Variants in SYT14 observed in about 807,000 individuals in gnomAD.
SYT14 encodes the protein synaptotagmin-14.
SYT14 carries 32 observed loss-of-function variants against 74.2 expected under a neutral mutation model. The observed-to-expected ratio is 0.43, with a 90% CI of 0.33 to 0.58. The LOEUF is 0.58. Ranked by LOEUF, SYT14 falls within the 20% of genes least tolerant of loss-of-function variation. The pLI is 0.05. For missense variants in SYT14, 791 were observed against 981.8 expected (o/e 0.81, Z 2.60); for synonymous variants, 298 against 337.7 (o/e 0.88, Z 1.29).
intron 7 of SYT14, among the ~76,000 whole-genome samples, chr1:210,153,657 T>C (rs1184310440): frequency 6.6e-6 from 1 of 152,214 alleles, no homozygotes; most frequent in African/African-American, 2.4e-5. Context: ...TGTTCCTGTG[T>C]ACATAATTAT....
chr1:210,088,735 G>A (rs1425770556), intron 5 of SYT14, among the ~76,000 whole-genome samples: 2 of 151,848 alleles, frequency 1.3e-5, no homozygotes, highest in East Asian at 3.9e-4. Flanking sequence ...TTAACTTCTT[G>A]AAGTGGATTC....
rs532992876 is a variant in SYT14, at chr1:210,162,149, T to C, written c.*1107T>C. 4 of 439,444 alleles carry C rather than the reference T, an allele frequency of 9.1e-6. No homozygotes were observed. The East Asian group carries it at 2.1e-4, about 23-fold the overall frequency. The allele number at this position is 439,444 out of a possible 1,614,324, so 27.2% of individuals were successfully genotyped here. Reference sequence around the variant, plus strand: ...TGGAACATCATGTTAAAAACAGTTATGAGATTCCTTATGAAGTTTCTAGTA... The same window carrying C: ...TGGAACATCATGTTAAAAACAGTTACGAGATTCCTTATGAAGTTTCTAGTA... On this transcript the variant is annotated 3_prime_UTR_variant, in exon 10 of 10. Coordinates refer to ENST00000637265, the Ensembl canonical transcript of SYT14.
chr1:210,145,811 T>G (rs1331905957), intron 7 of SYT14, among the ~76,000 whole-genome samples: 3 of 152,170 alleles, frequency 2.0e-5, no homozygotes, highest in Non-Finnish European at 2.9e-5. Context: ...GAAATACTAT[T>G]AGGACCAACT....
At chr1:210,111,770 A>C (rs2102582191) in intron 7 of SYT14, among the ~76,000 whole-genome samples, 1 of 151,454 alleles carries the variant, frequency 6.6e-6, no homozygotes, top group East Asian at 1.9e-4. Context: ...ACAGATATTA[A>C]AGGACTAAGA....
intron 5 of SYT14, among the ~76,000 whole-genome samples, chr1:210,071,334 T>C (rs1044334587): frequency 4.0e-5 from 5 of 124,654 alleles, no homozygotes; most frequent in Admixed American, 3.9e-4. Context: ...AAGTCACAAG[T>C]CCTTATAGAA....
intron 7 of SYT14, among the ~76,000 whole-genome samples, chr1:210,125,788 A>G (rs1326885158): frequency 2.6e-5 from 4 of 152,256 alleles, no homozygotes; most frequent in African/African-American, 7.2e-5. Context: ...TTTTAAAATT[A>G]TATCTAGGCA....
rs574364834 is a variant in SYT14, at chr1:210,105,951, A to G, written c.2034+5490A>G. On this transcript the variant is annotated intron_variant, in intron 7 of 9. Transcript: ENST00000637265. The stretch of plus-strand genomic sequence containing the variant: ...CCAGTGGCCTCCCCAGAAGCTGAGC[A>G]GATTGCTGCACCATGCTTGTACAGC... Among the ~76,000 whole-genome samples, 3 of 152,350 alleles carry G rather than the reference A, an allele frequency of 2.0e-5. No homozygotes were observed. The South Asian group carries it at 6.2e-4, about 32-fold the overall frequency.
chr1:209,956,125 T>C (rs1183599825), intron 2 of SYT14, among the ~76,000 whole-genome samples: 1 of 152,168 alleles, frequency 6.6e-6, no homozygotes, highest in African/African-American at 2.4e-5. Context: ...TTCTCTGTCA[T>C]TCTTATTTTT....
At chr1:210,121,055 C>T (rs566139211) in intron 7 of SYT14, among the ~76,000 whole-genome samples, 4 of 152,238 alleles carry the variant, frequency 2.6e-5, no homozygotes, top group African/African-American at 9.6e-5. Context: ...ATCATGGATC[C>T]CACTTCATCC....
At chr1:210,090,939 A>T (rs2081854943) in intron 5 of SYT14, among the ~76,000 whole-genome samples, 1 of 152,176 alleles carries the variant, frequency 6.6e-6, no homozygotes, top group Non-Finnish European at 1.5e-5. Flanking sequence ...TAAAAAATAA[A>T]ATGCAAAAAT....
chr1:210,047,832 T>A (rs533293099), intron 5 of SYT14, among the ~76,000 whole-genome samples: 1 of 152,348 alleles, frequency 6.6e-6, no homozygotes, highest in Admixed American at 6.5e-5. Flanking sequence ...AAGTTATATG[T>A]TATGCAAAAT....
intron 2 of SYT14, among the ~76,000 whole-genome samples, chr1:209,993,699 G>C (rs111661902): frequency 6.6e-6 from 1 of 152,068 alleles, no homozygotes; most frequent in East Asian, 1.9e-4. Flanking sequence ...AGGCATGGGC[G>C]CCCATGATTG....
intron 5 of SYT14, among the ~76,000 whole-genome samples, chr1:210,090,578 A>C (rs2081846517): frequency 6.6e-6 from 1 of 152,204 alleles, no homozygotes; most frequent in South Asian, 2.1e-4. Context: ...AAATATATCC[A>C]TGCCTAAATC....
intron 2 of SYT14, among the ~76,000 whole-genome samples, chr1:209,989,276 G>A (rs1462182305): frequency 6.6e-6 from 1 of 152,116 alleles, no homozygotes; most frequent in Non-Finnish European, 1.5e-5. Context: ...CTGCAGCAGC[G>A]ATTTCAGGAG....
Position 210,159,270 on chromosome 1 carries a change from A to G in SYT14, c.2225-151A>G, listed in dbSNP as rs17015688. Reference sequence around the variant, plus strand: ...ATTTACCCAACATCCTTTTTGTTCAATCCTCTATCTGAATTAAAATGCTAA... The same window carrying G: ...ATTTACCCAACATCCTTTTTGTTCAGTCCTCTATCTGAATTAAAATGCTAA... On this transcript the variant is annotated intron_variant, in intron 8 of 9. Coordinates refer to ENST00000637265, the Ensembl canonical transcript of SYT14. 1,497 of 775,686 alleles carry G rather than the reference A, an allele frequency of 1.9e-3. 16 individuals carry two copies. The African/African-American group carries it at 0.021, about 11-fold the overall frequency. The allele number at this position is 775,686 out of a possible 1,614,324, so 48.1% of individuals were successfully genotyped here.
At chr1:210,017,309 T>C (rs938625937) in intron 4 of SYT14, among the ~76,000 whole-genome samples, 8 of 152,160 alleles carry the variant, frequency 5.3e-5, no homozygotes, top group Admixed American at 4.6e-4. Context: ...TCCCACTAAG[T>C]ATTGCCCCTG....
At chr1:210,149,375 G>C (rs938659884) in intron 7 of SYT14, among the ~76,000 whole-genome samples, 1 of 151,720 alleles carries the variant, frequency 6.6e-6, no homozygotes, top group African/African-American at 2.4e-5. Context: ...AGTAGAGGCA[G>C]TGTTTCACCA....
intron 2 of SYT14, among the ~76,000 whole-genome samples, chr1:210,006,195 T>A (rs1467899693): frequency 6.6e-6 from 1 of 152,026 alleles, no homozygotes; most frequent in East Asian, 1.9e-4. Context: ...TGATTGTTTT[T>A]TATAAAATCT....
At chr1:210,078,232 C>CCCGGGAGG (rs1341748808) in intron 5 of SYT14, among the ~76,000 whole-genome samples, 1 of 138,814 alleles carries the variant, frequency 7.2e-6, no homozygotes, top group Admixed American at 8.1e-5. Flanking sequence ...ATGGCGTGAA[C>CCCGGGAGG]CCGGGAGGCA....
Sources: allele counts gnomAD v4.1 joint callset (sites outside exome capture counted in the v4.1 genomes callset), GRCh38; gene constraint gnomAD v4.1.1; transcripts MANE v1.5; gene names NCBI Gene and HGNC (gene_info 2026-07-23, HGNC 2026-07-21).